The following TOMT variants were observed in gnomAD, a reference collection of about 807,000 sequenced individuals.
TOMT encodes transmembrane O-methyltransferase.
TOMT carries 23 observed loss-of-function variants against 21.7 expected under a neutral mutation model. The ratio of observed to expected loss-of-function variants is 1.06; its 90% confidence interval spans 0.76 to 1.50. The LOEUF is 1.50. TOMT is among the 40% of genes most tolerant of loss of function. The pLI is 0.00. For missense variants in TOMT, 331 were observed against 348.7 expected (o/e 0.95, Z 0.41); for synonymous variants, 132 against 150.8 (o/e 0.88, Z 0.91).
chr11:72,109,276 G>A (rs1322379220), exon 3 of TOMT: 3 of 460,892 alleles, frequency 6.5e-6, no homozygotes, highest in African/African-American at 4.0e-5. Context: ...GAAGCTGGAT[G>A]GGAGAGCTCC....
At chr11:72,106,414 A>T (rs1031174889) in intron 1 of TOMT, 1 of 553,144 alleles carries the variant, frequency 1.8e-6, no homozygotes, top group African/African-American at 1.9e-5. Flanking sequence ...TGTATTAGGA[A>T]TGTGCTAGGT....
At chr11:72,107,709 A>C in intron 1 of TOMT, 1 of 619,274 alleles carries the variant, frequency 1.6e-6, no homozygotes, top group South Asian at 1.9e-5. Flanking sequence ...AGGAGTAATA[A>C]GGTCAGATTT....
intron 2 of TOMT, 95 bp downstream of exon 2, chr11:72,108,214 C>T: frequency 8.9e-7 from 1 of 1,125,370 alleles, no homozygotes; most frequent in Non-Finnish European, 1.2e-6. Context: ...GAGAAGGAAG[C>T]ACCTCCACTC....
intron 1 of TOMT, 123 bp downstream of exon 1, chr11:72,106,333 T>A (rs1238189664): frequency 9.4e-7 from 1 of 1,060,118 alleles, no homozygotes; most frequent in East Asian, 2.8e-5. Flanking sequence ...AGGGCCTCTT[T>A]TTTTTCTCAT....
chr11:72,107,483 G>T lies in TOMT; in HGVS notation c.260-440G>T, dbSNP rs192244683. ...AGGCAGATGGCGATGGGGGTGGGAA[G>T]GGCAAAGCCAGCCACATATACACAT... On this transcript the variant is annotated intron_variant, in intron 1 of 2. Coordinates refer to ENST00000541899, the Ensembl canonical transcript of TOMT. 6.5e-5 allele frequency: 46 copies of T among 702,916 alleles called. 1 individual carries two copies. In the Admixed American group the frequency reaches 7.8e-4, roughly 12 times the overall value. The allele number at this position is 702,916 out of a possible 1,614,324, so 43.5% of individuals were successfully genotyped here. A position where few individuals can be genotyped will look rare whatever the true frequency, so the allele number is the denominator to read the frequency against.
intron 2 of TOMT, 51 bp downstream of exon 2, chr11:72,108,170 C>A (rs1226739115): frequency 7.0e-7 from 1 of 1,424,282 alleles, no homozygotes; most frequent in Non-Finnish European, 9.3e-7. Flanking sequence ...AGGCCTTGCC[C>A]CCAGACATCC....
At chr11:72,107,239 C>T in intron 1 of TOMT, 1 of 586,414 alleles carries the variant, frequency 1.7e-6, no homozygotes, top group Admixed American at 3.0e-5. Flanking sequence ...TGCACTCCAG[C>T]CTGGGCAACA....
chr11:72,107,615 T>C (rs1338505779), intron 1 of TOMT: 4 of 672,000 alleles, frequency 6.0e-6, no homozygotes, highest in Non-Finnish European at 1.1e-5. Context: ...CCTGGAAAGG[T>C]AGGATAGGAT....
chr11:72,106,225 G>A lies in TOMT; in HGVS notation c.259+15G>A. 1 of 1,465,004 alleles carries A rather than the reference G, an allele frequency of 6.8e-7. No individual in the cohort carries two copies. The highest frequency in any genetic ancestry group is 1.8e-4 in the Middle Eastern group (1 of 5,594). The allele number at this position is 1,465,004 out of a possible 1,614,324, so 90.8% of individuals were successfully genotyped here. ...GCCTGTCAAAGGTCAGTGTTCCCTA[G>A]CCTTCTGCTCCAAGAAGTACCCCCA... On this transcript the variant is annotated intron_variant, in intron 1 of 2. Transcript: ENST00000541899.
rs545947177 is a variant in TOMT, at chr11:72,106,214, A to C, written c.259+4A>C. The C allele has an allele frequency of 1.4e-5, 21 of 1,480,142 alleles. No individual in the cohort carries two copies. Among genetic ancestry groups the C allele is most frequent in the Admixed American group, 4.3e-5 (2 of 46,436 alleles). 91.7% of individuals were successfully genotyped at this position (1,480,142 alleles called of 1,614,324 possible). A position where few individuals can be genotyped will look rare whatever the true frequency, so the allele number is the denominator to read the frequency against. On this transcript the variant is annotated splice_donor_region_variant and intron_variant, in intron 1 of 2. Transcript: ENST00000541899. ...AGCCACATGGGGCCTGTCAAAGGTC[A>C]GTGTTCCCTAGCCTTCTGCTCCAAG...
Position 72,108,798 on chromosome 11 carries a change from C to T in TOMT, c.650C>T (p.Ala217Val), listed in dbSNP as rs1484075343. 31 of 1,550,424 alleles carry T rather than the reference C, an allele frequency of 2.0e-5. No homozygotes were observed. The highest frequency in any genetic ancestry group is 1.7e-4 in the Middle Eastern group (1 of 6,014). The stretch of plus-strand genomic sequence containing the variant: ...GCTGACCATGTGCTCTTCCCTGGTG[C>T]ACCCCGCTTCTTGCAGTATGCTAAG... Residue 217 changes from alanine (A) to valine (V), a missense_variant, in exon 3 of 3, where the codon GCA (alanine) becomes GTA (valine). By Grantham distance (64) the Ala-to-Val change is moderately conservative. Coordinates refer to ENST00000541899, the Ensembl canonical transcript of TOMT.
intron 1 of TOMT, 111 bp downstream of exon 1, chr11:72,106,321 T>C: frequency 1.0e-5 from 12 of 1,179,392 alleles, no homozygotes; most frequent in Non-Finnish European, 1.3e-5. Context: ...TGATCCTCTT[T>C]TAGGGCCTCT....
At chr11:72,106,445 C>A in intron 1 of TOMT, 1 of 427,332 alleles carries the variant, frequency 2.3e-6, no homozygotes. Context: ...GGGGTAGAGG[C>A]CACAGAGATG....
exon 3 of TOMT, chr11:72,109,290 G>A (rs1247925325): frequency 4.2e-6 from 2 of 472,826 alleles, no homozygotes; most frequent in Middle Eastern, 3.2e-4. Flanking sequence ...GAGCTCCAGG[G>A]GCCTCCCAGT....
At chr11:72,109,571 A>T (rs1340369232), downstream of TOMT, 9 of 486,168 alleles carry the variant, frequency 1.9e-5, no homozygotes, top group Non-Finnish European at 3.0e-5. Flanking sequence ...ACCAACAAAT[A>T]GGGAATAGAC....
At chr11:72,108,929 C>A in exon 3 of TOMT, 2 of 1,519,240 alleles carry the variant, frequency 1.3e-6, no homozygotes, top group South Asian at 2.5e-5. Flanking sequence ...AGGCTGAGGT[C>A]CAGGCCCAGG....
exon 2 of TOMT, chr11:72,108,018 G>C (rs1338469234): frequency 6.4e-7 from 1 of 1,551,662 alleles, no homozygotes; most frequent in Non-Finnish European, 8.7e-7. Flanking sequence ...TATTGCCCGA[G>C]CCCTGCCCCC....
chr11:72,108,023 GC>G lies in TOMT; in HGVS notation c.365del (p.Pro122LeufsTer42). 6.4e-7 allele frequency: 1 copy of G among 1,551,618 alleles called. No individual in the cohort carries two copies. ...CTACCCTGCTTATTGCCCGAGCCCT[GC>G]CCCCTGGGGGTCGCCTTCTTACTGT... On this transcript the variant is annotated frameshift_variant, in exon 2 of 3. Coordinates refer to ENST00000541899, the Ensembl canonical transcript of TOMT. LOFTEE classifies it high-confidence loss of function.
chr11:72,108,902 C>T, exon 3 of TOMT: 1 of 1,545,110 alleles, frequency 6.5e-7, no homozygotes. Flanking sequence ...AATAGCTCAG[C>T]TCACCTATGC....
Sources: allele counts gnomAD v4.1 joint callset, GRCh38; gene constraint gnomAD v4.1.1; transcripts MANE v1.5; gene names NCBI Gene and HGNC (gene_info 2026-07-23, HGNC 2026-07-21).